Variants in DLGAP2 observed in about 807,000 individuals in gnomAD.
DLGAP2 encodes the protein DLG associated protein 2.
DLGAP2 carries 26 observed loss-of-function variants against 100.3 expected under a neutral mutation model. That is an observed-to-expected ratio of 0.26 (90% CI 0.19 to 0.36). DLGAP2 has a LOEUF of 0.36. DLGAP2 is among the 10% of genes least tolerant of loss of function. DLGAP2 has a pLI of 1.00. For missense variants in DLGAP2, 1,858 were observed against 1,453.2 expected (o/e 1.28, Z -4.53); for synonymous variants, 886 against 630.1 (o/e 1.41, Z -6.08).
chr8:1,516,666 GGTGACTGAGTGAAAGAGTGA>G (rs1206112291), intron 4 of DLGAP2, among the ~76,000 whole-genome samples: 1 of 145,090 alleles, frequency 6.9e-6, no homozygotes, highest in Non-Finnish European at 1.5e-5. Flanking sequence ...TGAATGAGTG[GGTGACTGAGTGAAAGAGTGA>G]GTGACTGAGT....
intron 2 of DLGAP2, among the ~76,000 whole-genome samples, chr8:974,200 C>T (rs1800104481): frequency 6.6e-6 from 1 of 152,096 alleles, no homozygotes; most frequent in African/African-American, 2.4e-5. Context: ...ATTAAAAATC[C>T]ACAACTAAGC....
At chr8:1,383,141 C>G (rs1450008565) in intron 3 of DLGAP2, among the ~76,000 whole-genome samples, 1 of 152,108 alleles carries the variant, frequency 6.6e-6, no homozygotes, top group African/African-American at 2.4e-5. Context: ...TCCCCTTTAT[C>G]TATTTTGGCA....
chr8:1,547,634 C>G (rs989049264), intron 4 of DLGAP2, among the ~76,000 whole-genome samples: 8 of 152,246 alleles, frequency 5.3e-5, no homozygotes, highest in African/African-American at 9.6e-5. Flanking sequence ...GCCGCCTTCC[C>G]AGGGAGAGAG....
Position 1,240,502 on chromosome 8 carries a change from C to T in DLGAP2, c.74-18349C>T, listed in dbSNP as rs1439283950. Among the ~76,000 whole-genome samples, 107 of 144,142 alleles carry T rather than the reference C, an allele frequency of 7.4e-4. 1 individual carries two copies. Among genetic ancestry groups the T allele is most frequent in the African/African-American group, 2.5e-3 (97 of 38,498 alleles). The allele number at this position is 144,142 out of a possible 152,430, so 94.6% of individuals were successfully genotyped here. A position where few individuals can be genotyped will look rare whatever the true frequency, so the allele number is the denominator to read the frequency against. ...TGTCTAGTTTTCTCTCACATGGCGC[C>T]GTGTCTAGTTCTCTCACATGGCACC... On this transcript the variant is annotated intron_variant, in intron 2 of 14. Coordinates refer to ENST00000637795, the MANE Select transcript of DLGAP2 (RefSeq NM_001346810.2).
intron 1 of DLGAP2, chr8:740,070 G>A (rs918741450): frequency 1.3e-5 from 2 of 152,236 alleles, no homozygotes; most frequent in Middle Eastern, 3.2e-3. Flanking sequence ...GTGTTCTTGG[G>A]TAAGCAGTGG....
At chr8:1,436,393 C>G (rs937062243) in intron 3 of DLGAP2, among the ~76,000 whole-genome samples, 2 of 152,192 alleles carry the variant, frequency 1.3e-5, no homozygotes, top group African/African-American at 2.4e-5. Flanking sequence ...GTCCTTCCAC[C>G]TTCCTCTGCC....
chr8:1,434,235 C>A (rs1424762831), intron 3 of DLGAP2, among the ~76,000 whole-genome samples: 1 of 152,112 alleles, frequency 6.6e-6, no homozygotes, highest in Non-Finnish European at 1.5e-5. Flanking sequence ...CAGACTGGCC[C>A]TGAGGAAATC....
chr8:805,969 G>C (rs1266677235), intron 1 of DLGAP2, among the ~76,000 whole-genome samples: 2 of 152,240 alleles, frequency 1.3e-5, no homozygotes, highest in Non-Finnish European at 2.9e-5. Context: ...GTGAGTTCCT[G>C]CTGGGTTTCC....
At chr8:1,501,150 G>A (rs537760620) in intron 3 of DLGAP2, among the ~76,000 whole-genome samples, 4 of 152,310 alleles carry the variant, frequency 2.6e-5, no homozygotes, top group Admixed American at 2.0e-4. Flanking sequence ...AGAAATACGT[G>A]CATCTGTGGT....
rs1210272411 is a variant in DLGAP2 at position 1,704,459 on chromosome 8, A to G, written c.*3053A>G. ...CTAGCGTTTAGCCCGGGAAAGGAGA[A>G]TGCTGCTTGTCACCTAGAGTGCTTT... is the stretch of plus-strand genomic sequence containing the variant. On this transcript the variant is annotated 3_prime_UTR_variant, in exon 15 of 15. Transcript: ENST00000637795. 1 of 152,254 alleles carries G rather than the reference A, an allele frequency of 6.6e-6. No homozygotes were observed. Among genetic ancestry groups the G allele is most frequent in the Non-Finnish European group, 1.5e-5 (1 of 68,050 alleles). 9.4% of individuals were successfully genotyped at this position (152,254 alleles called of 1,614,324 possible). A position where few individuals can be genotyped will look rare whatever the true frequency, so the allele number is the denominator to read the frequency against.
At chr8:1,482,906 G>C (rs920729610) in intron 3 of DLGAP2, among the ~76,000 whole-genome samples, 1 of 152,258 alleles carries the variant, frequency 6.6e-6, no homozygotes, top group Non-Finnish European at 1.5e-5. Context: ...AGCGAGGACA[G>C]GGACCCAGGA....
chr8:1,478,500 A>C (rs969415463), intron 3 of DLGAP2, among the ~76,000 whole-genome samples: 2 of 152,194 alleles, frequency 1.3e-5, no homozygotes, highest in African/African-American at 4.8e-5. Flanking sequence ...CTCTTGCTCC[A>C]CAAGGCCCTC....
intron 3 of DLGAP2, among the ~76,000 whole-genome samples, chr8:1,491,077 C>CAAAAAAAAAAAAAAAAAAAAAAAAAA (rs386411871): frequency 3.1e-5 from 2 of 64,514 alleles, no homozygotes; most frequent in Non-Finnish European, 3.4e-5. Flanking sequence ...AACTGGAAAC[C>CAAAAAAAAAAAAAAAAAAAAAAAAAA]AAAAAAAAAA....
At chr8:1,158,899 C>G (rs1796841257) in intron 2 of DLGAP2, among the ~76,000 whole-genome samples, 1 of 152,218 alleles carries the variant, frequency 6.6e-6, no homozygotes, top group African/African-American at 2.4e-5. Flanking sequence ...AGGGTTCGGC[C>G]TGACCAGTGG....
At chr8:867,522 T>A (rs1363532183) in intron 1 of DLGAP2, among the ~76,000 whole-genome samples, 1 of 152,190 alleles carries the variant, frequency 6.6e-6, no homozygotes, top group Admixed American at 6.5e-5. Flanking sequence ...TGTGATTATG[T>A]CATTACGTGG....
chr8:1,311,667 G>A (rs1056052435), intron 3 of DLGAP2, among the ~76,000 whole-genome samples: 4 of 151,024 alleles, frequency 2.6e-5, no homozygotes, highest in South Asian at 2.1e-4. Context: ...GTTGACACAC[G>A]AAAGGTGTCT....
chr8:825,726 G>T (rs987213282), intron 1 of DLGAP2, among the ~76,000 whole-genome samples: 4 of 151,996 alleles, frequency 2.6e-5, no homozygotes, highest in Admixed American at 6.6e-5. Context: ...GTTCATATTA[G>T]GTGTATTTAT....
At chr8:1,508,612 G>C (rs1371040282) in intron 4 of DLGAP2, among the ~76,000 whole-genome samples, 2 of 129,550 alleles carry the variant, frequency 1.5e-5, no homozygotes, top group African/African-American at 2.8e-5. Flanking sequence ...TCTCCTCTGT[G>C]GGATGTGCCA....
At chr8:1,514,995 G>C (rs75075554) in intron 4 of DLGAP2, among the ~76,000 whole-genome samples, 4 of 151,586 alleles carry the variant, frequency 2.6e-5, no homozygotes, top group Admixed American at 6.6e-5. Flanking sequence ...AGAGACTGAC[G>C]TGGAGGGAGA....
Sources: gnomAD v4.1 joint callset for allele counts (sites outside exome capture counted in the v4.1 genomes callset) on GRCh38, gnomAD v4.1.1 for gene constraint, MANE v1.5 for transcripts, NCBI Gene and HGNC (gene_info 2026-07-23, HGNC 2026-07-21) for gene names.